ADCY5: variants seen among roughly 807,000 people sequenced by gnomAD.
The protein encoded by ADCY5 is adenylate cyclase type 5.
Under a neutral mutation model 119.7 loss-of-function variants are expected in ADCY5, and 30 were observed. The ratio of observed to expected loss-of-function variants is 0.25; its 90% CI spans 0.19 to 0.34. The LOEUF (loss-of-function observed/expected upper bound fraction) is 0.34. Among genes scored for constraint, ADCY5 ranks in the 10% least tolerant of loss-of-function variants. ADCY5 has a pLI of 1.00. For missense variants in ADCY5, 1,324 were observed against 1,775.2 expected (o/e 0.75, Z 4.57); for synonymous variants, 753 against 762.2 (o/e 0.99, Z 0.20).
rs74351474 is a variant in ADCY5 at position 123,328,479 on chromosome 3, G to A, written c.1805+165C>T. 0.017 allele frequency among the ~76,000 whole-genome samples: 2,546 copies of A among 152,268 alleles called. 173 individuals are homozygous for A. In the East Asian group the frequency reaches 0.18, roughly 11 times the overall value. ...TGGCACAGGTGATTTGGCAAGTAGA[G>A]GAATTTCTACTTCCACTGTGCTCAC... On this transcript the variant is annotated intron_variant, in intron 6 of 20. Transcript: ENST00000462833.
chr3:123,383,022 C>G (rs1474067241), intron 1 of ADCY5, among the ~76,000 whole-genome samples: 1 of 152,176 alleles, frequency 6.6e-6, no homozygotes, highest in African/African-American at 2.4e-5. Context: ...ATATCTCCCA[C>G]CAGCCATCCT....
At chr3:123,447,065 G>C (rs200514108) in intron 1 of ADCY5, among the ~76,000 whole-genome samples, 1 of 152,138 alleles carries the variant, frequency 6.6e-6, no homozygotes, top group East Asian at 1.9e-4. Context: ...CTTTCGTTAG[G>C]GGCCTTTTGT....
At chr3:123,428,347 G>A (rs145739527) in intron 1 of ADCY5, among the ~76,000 whole-genome samples, 1 of 152,310 alleles carries the variant, frequency 6.6e-6, no homozygotes, top group Admixed American at 6.5e-5. Flanking sequence ...GTAACAATTG[G>A]TGTCCCTGCA....
chr3:123,396,824 G>GAGAGAGAGAGAC, intron 1 of ADCY5, among the ~76,000 whole-genome samples: 1 of 148,240 alleles, frequency 6.7e-6, no homozygotes, highest in South Asian at 2.2e-4. Flanking sequence ...GCAGGCGAGA[G>GAGAGAGAGAGAC]AGAGAGAGAG....
intron 14 of ADCY5, among the ~76,000 whole-genome samples, chr3:123,302,034 G>A (rs1237545226): frequency 6.6e-6 from 1 of 152,218 alleles, no homozygotes; most frequent in Non-Finnish European, 1.5e-5. Context: ...CAGGCTGGGT[G>A]GGGGGCCCAC....
intron 1 of ADCY5, among the ~76,000 whole-genome samples, chr3:123,388,972 T>A (rs1944320201): frequency 1.3e-5 from 2 of 151,970 alleles, no homozygotes; most frequent in African/African-American, 4.8e-5. Context: ...CTAGTTAGCC[T>A]CTACAGGAGG....
rs764016753 is a variant in ADCY5, at chr3:123,447,914, G to A, written c.632C>T (p.Ala211Val). ...CTTGGAGCGGAATATCTGCAGCAAC[G>A]CCAGGCAGCAGGCGCCCAGGGACAG... Reference protein sequence around the residue: ...AVLSLGACCLALLQIFRSKKF... With the variant: ...AVLSLGACCLVLLQIFRSKKF... The change falls in exon 1 of 21, where the codon GCG (alanine) becomes GTG (valine). Residue 211 changes from alanine to valine, a missense_variant. Ala to Val is a moderately conservative substitution (Grantham distance 64). Transcript: ENST00000462833. 2 of 1,608,570 alleles carry A rather than the reference G, an allele frequency of 1.2e-6. No homozygotes were observed. Among genetic ancestry groups the A allele is most frequent in the South Asian group, 1.1e-5 (1 of 90,704 alleles).
chr3:123,348,427 G>C (rs997415275), intron 2 of ADCY5, among the ~76,000 whole-genome samples: 1 of 152,162 alleles, frequency 6.6e-6, no homozygotes, highest in African/African-American at 2.4e-5. Flanking sequence ...GACAGGCAAG[G>C]TTCCTCCTTC....
intron 1 of ADCY5, among the ~76,000 whole-genome samples, chr3:123,402,823 A>G (rs1944803030): frequency 6.7e-6 from 1 of 148,774 alleles, no homozygotes. Context: ...ACTGCACTCC[A>G]GCCTGGGCAA....
intron 1 of ADCY5, among the ~76,000 whole-genome samples, chr3:123,433,696 C>G (rs1465680893): frequency 6.6e-6 from 1 of 152,082 alleles, no homozygotes; most frequent in South Asian, 2.1e-4. Flanking sequence ...AACAGAGAGA[C>G]CCCGGGTCAG....
intron 3 of ADCY5, among the ~76,000 whole-genome samples, chr3:123,339,955 C>G (rs1402199233): frequency 3.3e-5 from 5 of 152,132 alleles, no homozygotes; most frequent in Non-Finnish European, 5.9e-5. Context: ...TCTTATTTTC[C>G]AATTTTTCTA....
At chr3:123,370,146 T>C (rs558922249) in intron 1 of ADCY5, among the ~76,000 whole-genome samples, 78 of 152,246 alleles carry the variant, frequency 5.1e-4, no homozygotes, top group African/African-American at 1.5e-3. Context: ...GAGTGGCAAA[T>C]GTTCATTTGC....
At position 123,348,545 on chromosome 3, in the gene ADCY5, G is replaced by C. The variant is rs536039708; in HGVS notation, c.1285-642C>G. Among the ~76,000 whole-genome samples the C allele has an allele frequency of 2.0e-5, 3 of 152,290 alleles. No individual in the cohort carries two copies. In the South Asian group the frequency reaches 6.2e-4, roughly 32 times the overall value. ...AGAGACGGCTTCCTGGAGACTGGAA[G>C]GATGGGGTGGGGAGGAGGTGCTCCA... is the stretch of plus-strand genomic sequence containing the variant. On this transcript the variant is annotated intron_variant, in intron 2 of 20. Transcript: ENST00000462833.
intron 1 of ADCY5, among the ~76,000 whole-genome samples, chr3:123,370,063 T>C (rs1943579085): frequency 6.6e-6 from 1 of 152,138 alleles, no homozygotes; most frequent in South Asian, 2.1e-4. Context: ...AATGGAGGCA[T>C]GACCTAATGC....
chr3:123,394,319 G>GA (rs1553743893), intron 1 of ADCY5, among the ~76,000 whole-genome samples: 11 of 152,110 alleles, frequency 7.2e-5, no homozygotes, highest in Non-Finnish European at 1.6e-4. Context: ...TCCTTCTGGG[G>GA]ATCTCATTGT....
chr3:123,397,295 T>A (rs1184780990), intron 1 of ADCY5, among the ~76,000 whole-genome samples: 1 of 152,132 alleles, frequency 6.6e-6, no homozygotes, highest in East Asian at 1.9e-4. Context: ...CTGCCTGTGC[T>A]CAAAGACTGC....
At chr3:123,339,396 T>C (rs1398689904) in intron 3 of ADCY5, among the ~76,000 whole-genome samples, 1 of 152,080 alleles carries the variant, frequency 6.6e-6, no homozygotes, top group Admixed American at 6.5e-5. Context: ...AGAGGGCTGT[T>C]TTCCAAGGAG....
At chr3:123,443,291 G>C (rs1374277835) in intron 1 of ADCY5, among the ~76,000 whole-genome samples, 1 of 152,094 alleles carries the variant, frequency 6.6e-6, no homozygotes, top group African/African-American at 2.4e-5. Context: ...AGAGGTCGAG[G>C]TCCGAAGAAC....
rs373185715 is a variant in ADCY5, at chr3:123,352,392, C to T, written c.1284+40G>A. 591 of 1,576,534 alleles carry T rather than the reference C, an allele frequency of 3.7e-4. 1 individual carries two copies. Among genetic ancestry groups the T allele is most frequent in the East Asian group, 6.8e-4 (30 of 44,344 alleles). Reference sequence around the variant, plus strand: ...CTCAGCTGAGGTACATCTCAGGGCTCGACTCCGTCCCACTGTGCAAGGGCA... The same window carrying T: ...CTCAGCTGAGGTACATCTCAGGGCTTGACTCCGTCCCACTGTGCAAGGGCA... On this transcript the variant is annotated intron_variant, in intron 2 of 20. Coordinates refer to ENST00000462833, the MANE Select transcript of ADCY5 (RefSeq NM_183357.3). The surrounding 1 kb of genome is among the most constrained non-coding windows in gnomAD (Gnocchi z 4.8).
Sources: gnomAD v4.1 joint callset for allele counts (sites outside exome capture counted in the v4.1 genomes callset) on GRCh38, gnomAD v4.1.1 for gene constraint, Gnocchi (gnomAD v3.1) non-coding constraint, MANE v1.5 for transcripts, NCBI Gene and HGNC (gene_info 2026-07-23, HGNC 2026-07-21) for gene names.